Variants in BTN3A2 observed in about 807,000 individuals in gnomAD.
BTN3A2 encodes the protein butyrophilin protein.
A neutral mutation model predicts 37.6 loss-of-function variants in BTN3A2; 25 were observed. That is an observed-to-expected ratio of 0.66 (90% CI 0.48 to 0.93). The LOEUF is 0.93. BTN3A2 is among the 40% of genes least tolerant of loss of function. The probability of loss-of-function intolerance (pLI) is 0.00; values close to 1 mark genes in which losing one functional copy is unlikely to be tolerated. For missense variants in BTN3A2, 266 were observed against 410.9 expected, an observed-to-expected ratio of 0.65 and a Z score of 3.05; for synonymous variants, 122 against 159.4, an observed-to-expected ratio of 0.77 and a Z score of 1.77.
rs1490097668 is a variant in BTN3A2 at position 26,365,335 on chromosome 6, C to T, written c.-84C>T. 1.3e-6 allele frequency: 2 copies of T among 1,535,784 alleles called. No individual in the cohort carries two copies. The highest frequency in any genetic ancestry group is 1.2e-5 in the South Asian group (1 of 84,058). On this transcript the variant is annotated 5_prime_UTR_variant, in exon 1 of 11. Transcript: ENST00000377708. ...CTTTATTCTGTGGGCTCTGATTCTCCAATGGGAATACCAAGGGGTAAGTGC... is the reference window on the plus strand; with the variant it reads ...CTTTATTCTGTGGGCTCTGATTCTCTAATGGGAATACCAAGGGGTAAGTGC...
intron 10 of BTN3A2, 198 bp from the exon 11 acceptor site, chr6:26,375,599 C>T (rs1269319190): frequency 2.0e-6 from 3 of 1,494,664 alleles, no homozygotes; most frequent in East Asian, 4.9e-5. Flanking sequence ...TTCCTGGGGT[C>T]CAGAAGAGGG....
At chr6:26,372,738 T>C (rs1306704498) in intron 5 of BTN3A2, 159 bp from the exon 6 acceptor site, 2 of 804,414 alleles carry the variant, frequency 2.5e-6, no homozygotes, top group Non-Finnish European at 1.9e-6. Context: ...CAAAGTCTTA[T>C]CTATAGTCCT....
chr6:26,370,429 A>G lies in BTN3A2; in HGVS notation c.541A>G (p.Asn181Asp), dbSNP rs9358936. The change falls in exon 5 of 11, where the codon AAC becomes GAC. Residue 181 changes from asparagine to aspartate, a missense_variant. Physicochemically the swap from Asn to Asp is conservative, Grantham distance 23. Transcript: ENST00000377708. ...CCCCCAACCCCAAATACAGTGGAGCAACGCCAAGGGAGAGAACATCCCAGC... is the reference window on the plus strand; with the variant it reads ...CCCCCAACCCCAAATACAGTGGAGCGACGCCAAGGGAGAGAACATCCCAGC... ...WYPQPQIQWS[N>D]AKGENIPAVE... 175,745 of 1,613,580 alleles carry G rather than the reference A, an allele frequency of 0.11. 10,724 individuals are homozygous for G. Among genetic ancestry groups the G allele is most frequent in the Non-Finnish European group, 0.12 (146,442 of 1,179,504 alleles).
At chr6:26,374,907 C>T in intron 10 of BTN3A2, 109 bp downstream of exon 10, 2 of 1,206,246 alleles carry the variant, frequency 1.7e-6, no homozygotes, top group Non-Finnish European at 2.3e-6. Flanking sequence ...GTTCCCTTGA[C>T]TTCCTTCGTG....
At chr6:26,365,823 T>G (rs1490574376) in intron 1 of BTN3A2, among the ~76,000 whole-genome samples, 1 of 152,206 alleles carries the variant, frequency 6.6e-6, no homozygotes, top group African/African-American at 2.4e-5. Flanking sequence ...ATGTGTTTAT[T>G]ACAGAAGTAT....
At chr6:26,374,980 G>A (rs1280865460) in intron 10 of BTN3A2, 182 bp downstream of exon 10, 1 of 525,028 alleles carries the variant, frequency 1.9e-6, no homozygotes, top group Non-Finnish European at 3.2e-6. Flanking sequence ...TAATACTGCA[G>A]GGAGAGTGAG....
chr6:26,377,660 C>A lies in BTN3A2; in HGVS notation c.*1898C>A. On this transcript the variant is annotated 3_prime_UTR_variant, in exon 11 of 11. Transcript: ENST00000377708. ...AGTTGGGAGATGTTCAGCTTCAGTC[C>A]CTGGCCAATTGCCCGTTCTTTTCCA... 1 of 179,136 alleles carries A rather than the reference C, an allele frequency of 5.6e-6. No homozygotes were observed. The highest frequency in any genetic ancestry group is 5.4e-5 in the Admixed American group (1 of 18,478). 11.1% of individuals were successfully genotyped at this position (179,136 alleles called of 1,614,324 possible).
chr6:26,371,518 T>C (rs1353438372), intron 5 of BTN3A2, among the ~76,000 whole-genome samples: 1 of 152,224 alleles, frequency 6.6e-6, no homozygotes, highest in Non-Finnish European at 1.5e-5. Context: ...TCCTGTATTT[T>C]TGATGTGCAT....
intron 8 of BTN3A2, 90 bp from the exon 9 acceptor site, chr6:26,374,237 A>AAT: frequency 2.0e-6 from 1 of 488,664 alleles, no homozygotes. Context: ...AAAAAAAAAA[A>AAT]AAAGACTAGA....
chr6:26,374,110 G>A (rs968017969), intron 8 of BTN3A2: 17 of 484,458 alleles, frequency 3.5e-5, no homozygotes, highest in Non-Finnish European at 5.0e-5. Flanking sequence ...CCTGCCACTA[G>A]CGTTCAACCG....
In BTN3A2 at chr6:26,373,262, T is replaced by A; in HGVS notation, c.917-14T>A. ...CTTTTTTTTTTTTTTTTTTTTTTTT[T>A]GGTTATTTTCCAGAGAGCCTCCAGG... On this transcript the variant is annotated splice_polypyrimidine_tract_variant and intron_variant, in intron 6 of 10. Coordinates refer to ENST00000377708, the MANE Select transcript of BTN3A2 (RefSeq NM_007047.5). 1 of 1,429,822 alleles carries A rather than the reference T, an allele frequency of 7.0e-7. No homozygotes were observed. Among genetic ancestry groups the A allele is most frequent in the East Asian group, 2.4e-5 (1 of 41,716 alleles). 88.6% of individuals were successfully genotyped at this position (1,429,822 alleles called of 1,614,324 possible).
intron 8 of BTN3A2, 179 bp downstream of exon 8, chr6:26,373,592 A>C: frequency 4.2e-5 from 17 of 407,246 alleles, no homozygotes; most frequent in East Asian, 8.5e-5. Flanking sequence ...TCTCTAGAAA[A>C]AAAAAAAAAA....
At chr6:26,373,585 C>CAA in intron 8 of BTN3A2, 172 bp downstream of exon 8, 8 of 186,902 alleles carry the variant, frequency 4.3e-5, no homozygotes, top group Non-Finnish European at 6.6e-5. Context: ...CTTTTTCTCT[C>CAA]TAGAAAAAAA....
chr6:26,377,092 C>A lies in BTN3A2; in HGVS notation c.*1330C>A. On this transcript the variant is annotated 3_prime_UTR_variant, in exon 11 of 11. Coordinates refer to ENST00000377708, the MANE Select transcript of BTN3A2 (RefSeq NM_007047.5). ...GAGCCCACTGCCCTGACCGTTTGCC[C>A]AATACCAAAAGTAGAGAGTTCCCCC... The A allele has an allele frequency of 1.5e-6, 2 of 1,339,878 alleles. No individual in the cohort carries two copies. The highest frequency in any genetic ancestry group is 2.1e-6 in the Non-Finnish European group (2 of 931,370). 83.0% of individuals were successfully genotyped at this position (1,339,878 alleles called of 1,614,324 possible).
chr6:26,371,586 G>T (rs560505424), intron 5 of BTN3A2, among the ~76,000 whole-genome samples: 5 of 152,142 alleles, frequency 3.3e-5, no homozygotes, highest in Admixed American at 2.0e-4. Flanking sequence ...CACACTTATC[G>T]ATCCAAACTT....
rs1030472853 is a variant in BTN3A2 at position 26,375,897 on chromosome 6, C to G, written c.*135C>G. 1.6e-5 allele frequency: 24 copies of G among 1,526,236 alleles called. No individual in the cohort carries two copies. Among genetic ancestry groups the G allele is most frequent in the Non-Finnish European group, 2.1e-5 (24 of 1,125,580 alleles). 94.5% of individuals were successfully genotyped at this position (1,526,236 alleles called of 1,614,324 possible). A position where few individuals can be genotyped will look rare whatever the true frequency, so the allele number is the denominator to read the frequency against. ...GGAACTCATTTAGCTCACGAGTGGT[C>G]GAGTGAAGATTGAAAATTAACCTCT... On this transcript the variant is annotated 3_prime_UTR_variant, in exon 11 of 11. Transcript: ENST00000377708.
chr6:26,374,788 C>T lies in BTN3A2; in HGVS notation c.*24C>T. The T allele has an allele frequency of 6.5e-7, 1 of 1,529,884 alleles. No homozygotes were observed. Among genetic ancestry groups the T allele is most frequent in the East Asian group, 2.3e-5 (1 of 44,342 alleles). 94.8% of individuals were successfully genotyped at this position (1,529,884 alleles called of 1,614,324 possible). Reference sequence around the variant, plus strand: ...CCTTTCAGAATGGAAAAATGGCCCTCTTCAAGCCTGGTGAGTAAATCACTG... The same window carrying T: ...CCTTTCAGAATGGAAAAATGGCCCTTTTCAAGCCTGGTGAGTAAATCACTG... On this transcript the variant is annotated 3_prime_UTR_variant, in exon 10 of 11. Coordinates refer to ENST00000377708, the MANE Select transcript of BTN3A2 (RefSeq NM_007047.5).
chr6:26,366,531 A>C (rs537830984), intron 1 of BTN3A2, among the ~76,000 whole-genome samples: 159 of 152,380 alleles, frequency 1.0e-3, no homozygotes, highest in East Asian at 7.1e-3. Context: ...AAATAACCTA[A>C]AAAATAAAAG....
chr6:26,374,133 T>C (rs1760432686), intron 8 of BTN3A2, 194 bp from the exon 9 acceptor site: 2 of 511,722 alleles, frequency 3.9e-6, no homozygotes, highest in Non-Finnish European at 6.7e-6. Context: ...GTTCCCAGAC[T>C]TGATATTAAG....
Sources: allele counts gnomAD v4.1 joint callset (sites outside exome capture counted in the v4.1 genomes callset), GRCh38; gene constraint gnomAD v4.1.1; transcripts MANE v1.5; gene names NCBI Gene and HGNC (gene_info 2026-07-23, HGNC 2026-07-21).